The following TMEM217B variants were observed in gnomAD, a reference collection of about 807,000 sequenced individuals.
TMEM217B encodes transmembrane protein 217B.
the TMEM217B span, among the ~76,000 whole-genome samples, chr6:37,220,655 G>T: frequency 6.6e-6 from 1 of 151,756 alleles, no homozygotes. Flanking sequence ...CTAAGTGTCT[G>T]GCAGAAGCAA....
the TMEM217B span, among the ~76,000 whole-genome samples, chr6:37,246,725 A>G: frequency 6.6e-6 from 1 of 152,144 alleles, no homozygotes; most frequent in African/African-American, 2.4e-5. Context: ...CAACATAGTG[A>G]GACCCTATCT....
At chr6:37,212,334 A>G in the TMEM217B span, 2 of 357,316 alleles carry the variant, frequency 5.6e-6, no homozygotes, top group Non-Finnish European at 1.1e-5. Context: ...AAGCAGCATC[A>G]ACAGAAGACA....
the TMEM217B span, among the ~76,000 whole-genome samples, chr6:37,233,374 A>C: frequency 2.6e-5 from 4 of 152,270 alleles, no homozygotes; most frequent in East Asian, 7.7e-4. Flanking sequence ...GGAAATTTAT[A>C]AACAACAGAA....
At chr6:37,217,501 G>T in the TMEM217B span, 1 of 402,418 alleles carries the variant, frequency 2.5e-6, no homozygotes, top group Non-Finnish European at 3.4e-6. Context: ...ACAATGTTCA[G>T]TACAGTGTTC....
the TMEM217B span, among the ~76,000 whole-genome samples, chr6:37,229,065 G>C: frequency 6.6e-6 from 1 of 151,780 alleles, no homozygotes; most frequent in Non-Finnish European, 1.5e-5. Flanking sequence ...AGCTTACTTT[G>C]TGCCAGGCAC....
chr6:37,213,485 C>A, the TMEM217B span, among the ~76,000 whole-genome samples: 1 of 152,252 alleles, frequency 6.6e-6, no homozygotes, highest in African/African-American at 2.4e-5. Context: ...CTGATTTGCT[C>A]CCTGGGCATG....
At chr6:37,216,888 T>TTAGAAGCAAAGAGAGCAGGCCCTTACCAG in the TMEM217B span, among the ~76,000 whole-genome samples, 1 of 152,288 alleles carries the variant, frequency 6.6e-6, no homozygotes, top group Admixed American at 6.5e-5. Context: ...TTGCACCATC[T>TTAGAAGCAAAGAGAGCAGGCCCTTACCAG]TAGAAGCAAA....
chr6:37,219,934 A>G, the TMEM217B span, among the ~76,000 whole-genome samples: 1 of 152,214 alleles, frequency 6.6e-6, no homozygotes, highest in African/African-American at 2.4e-5. Context: ...CTTCTCTACT[A>G]CATATCAAAA....
chr6:37,212,532 G>C, the TMEM217B span: 3 of 458,208 alleles, frequency 6.5e-6, no homozygotes, highest in Non-Finnish European at 1.3e-5. Flanking sequence ...CCTTGTAAAG[G>C]TTGTATGCAT....
the TMEM217B span, among the ~76,000 whole-genome samples, chr6:37,231,729 T>C: frequency 6.8e-6 from 1 of 147,558 alleles, no homozygotes; most frequent in Non-Finnish European, 1.5e-5. Context: ...TTTTATCTTT[T>C]ATATATATAT....
chr6:37,217,095 A>C, the TMEM217B span, among the ~76,000 whole-genome samples: 96,405 of 151,916 alleles, frequency 0.63, 30,822 homozygotes, highest in East Asian at 0.84. Flanking sequence ...GGAATTCAAT[A>C]CCAGCCTGAC....
chr6:37,217,328 C>T, the TMEM217B span, among the ~76,000 whole-genome samples: 1 of 152,126 alleles, frequency 6.6e-6, no homozygotes, highest in Non-Finnish European at 1.5e-5. Flanking sequence ...AGTCTCTGGA[C>T]CTGAATGCAA....
At chr6:37,234,295 T>C in the TMEM217B span, among the ~76,000 whole-genome samples, 1 of 152,126 alleles carries the variant, frequency 6.6e-6, no homozygotes, top group Non-Finnish European at 1.5e-5. Flanking sequence ...AGGTGGGGTT[T>C]CTCCATGTTG....
the TMEM217B span, chr6:37,218,977 T>C: frequency 2.5e-6 from 4 of 1,614,206 alleles, no homozygotes; most frequent in African/African-American, 5.3e-5. Flanking sequence ...TGAAGACCCC[T>C]GACAACACGG....
At chr6:37,218,335 A>AT in the TMEM217B span, 1 of 1,226,902 alleles carries the variant, frequency 8.2e-7, no homozygotes, top group African/African-American at 1.5e-5. Flanking sequence ...CGCCTGGCTA[A>AT]TTTTCTATTT....
chr6:37,243,455 C>G, the TMEM217B span, among the ~76,000 whole-genome samples: 644 of 152,306 alleles, frequency 4.2e-3, 1 homozygote, highest in African/African-American at 0.015. Context: ...TTCTTCCTGC[C>G]TGCTACACAG....
the TMEM217B span, among the ~76,000 whole-genome samples, chr6:37,249,386 C>A: frequency 6.6e-6 from 1 of 152,112 alleles, no homozygotes; most frequent in South Asian, 2.1e-4. Context: ...GTGGTGCAAT[C>A]TTGGCTCACT....
the TMEM217B span, chr6:37,212,190 GTAAGCACAAGGCCAC>G: frequency 1.3e-5 from 4 of 303,730 alleles, no homozygotes; most frequent in African/African-American, 2.2e-5. Context: ...AGATGGTTAA[GTAAGCACAAGGCCAC>G]ATATCATTAA....
the TMEM217B span, among the ~76,000 whole-genome samples, chr6:37,226,245 G>A: frequency 1.5e-5 from 1 of 68,292 alleles, no homozygotes; most frequent in Non-Finnish European, 3.4e-5. Flanking sequence ...CTCTTTTTTT[G>A]TTTTGTTTTG....
Sources: allele counts gnomAD v4.1 joint callset (sites outside exome capture counted in the v4.1 genomes callset), GRCh38; gene constraint gnomAD v4.1.1; transcripts MANE v1.5; gene names NCBI Gene and HGNC (gene_info 2026-07-23, HGNC 2026-07-21).